Variants in LSP1 observed in about 807,000 individuals in gnomAD.
LSP1 encodes the protein lymphocyte specific protein 1, also known as lymphocyte-specific protein 1.
LSP1 carries 32 observed loss-of-function variants against 49.3 expected under a neutral mutation model. That is an observed-to-expected ratio of 0.65 (90% CI 0.49 to 0.87). LSP1 has a LOEUF of 0.87. Ranked by LOEUF, LSP1 falls within the 40% of genes least tolerant of loss-of-function variation. LSP1 has a pLI of 0.00. For missense variants in LSP1, 428 were observed against 442.6 expected (o/e 0.97, Z 0.30); for synonymous variants, 179 against 178.8 (o/e 1.00, Z -0.01).
At chr11:1,877,407 A>T (rs1485665957) in intron 1 of LSP1, among the ~76,000 whole-genome samples, 1 of 152,122 alleles carries the variant, frequency 6.6e-6, no homozygotes, top group African/African-American at 2.4e-5. Context: ...TAGGGGAGAC[A>T]CCAGGAGATG....
rs745981892 is a variant in LSP1 at position 1,884,018 on chromosome 11, C to T, written c.585C>T (p.Thr195=). 25 of 1,610,520 alleles carry T rather than the reference C, an allele frequency of 1.6e-5. No homozygotes were observed. The highest frequency in any genetic ancestry group is 2.1e-5 in the Non-Finnish European group (25 of 1,178,840). ...AGAGCTCGCCTCCCCTGAGCCCTAC[C>T]ACCAAAGTAAGTTAAGCTGCAAAGC... ...IEQSSPPLSP[T]TKLIDRTESL... Residue 195 remains threonine (T), a synonymous_variant, in exon 5 of 11, where the codon ACC becomes ACT. Coordinates refer to ENST00000311604, the MANE Select transcript of LSP1 (RefSeq NM_002339.3). This position sits in a 1 kb window ranked among gnomAD's most constrained non-coding sequence, Gnocchi z 4.1.
chr11:1,855,578 A>C lies in LSP1; in HGVS notation c.53+2381A>C, dbSNP rs975597307. 4.6e-5 allele frequency among the ~76,000 whole-genome samples: 7 copies of C among 152,254 alleles called. No homozygotes were observed. In the Middle Eastern group the frequency reaches 0.014, roughly 296 times the overall value. ...ATGATGTGGTCTCTCAGATGCCCCCAGGACAGGACTGTCCTCTCCCACGAG... is the reference window on the plus strand; with the variant it reads ...ATGATGTGGTCTCTCAGATGCCCCCCGGACAGGACTGTCCTCTCCCACGAG... On this transcript the variant is annotated intron_variant, in intron 1 of 10. Transcript: ENST00000311604.
intron 1 of LSP1, among the ~76,000 whole-genome samples, chr11:1,862,782 TCACC>T (rs1448657662): frequency 4.9e-5 from 1 of 20,410 alleles, no homozygotes; most frequent in Non-Finnish European, 1.0e-4. Flanking sequence ...CTGGGTGATC[TCACC>T]TCCCCTGGGT....
At position 1,883,957 on chromosome 11, in the gene LSP1, C is replaced by T; in HGVS notation, c.524C>T (p.Thr175Ile). Reference sequence around the variant, plus strand: ...CACCAGAAATGTCAGCAGCCCAGGACACCCAGCCCCTTGGTCTTGGAGGGG... The same window carrying T: ...CACCAGAAATGTCAGCAGCCCAGGATACCCAGCCCCTTGGTCTTGGAGGGG... ...EEHQKCQQPR[T>I]PSPLVLEGTI... Residue 175 changes from threonine to isoleucine, a missense_variant, in exon 5 of 11, where the codon ACA becomes ATA. Coordinates refer to ENST00000311604, the MANE Select transcript of LSP1 (RefSeq NM_002339.3). 1 of 1,610,784 alleles carries T rather than the reference C, an allele frequency of 6.2e-7. No homozygotes were observed. The highest frequency in any genetic ancestry group is 8.5e-7 in the Non-Finnish European group (1 of 1,179,080).
rs1335103196 is a variant in LSP1, at chr11:1,865,097, G to A, written c.53+11900G>A. The stretch of plus-strand genomic sequence containing the variant: ...GGCACAGGGGGGCAGGGGTGCGGGA[G>A]GAGGGCAGCAGAGAGGAGGGCCAGC... On this transcript the variant is annotated intron_variant, in intron 1 of 10. Coordinates refer to ENST00000311604, the MANE Select transcript of LSP1 (RefSeq NM_002339.3). 4.9e-6 allele frequency: 3 copies of A among 606,146 alleles called. No homozygotes were observed. In the East Asian group the frequency reaches 4.1e-4, roughly 83 times the overall value. 37.5% of individuals were successfully genotyped at this position (606,146 alleles called of 1,614,324 possible).
chr11:1,877,032 C>T (rs1235329230), intron 1 of LSP1, among the ~76,000 whole-genome samples: 1 of 152,200 alleles, frequency 6.6e-6, no homozygotes, highest in Non-Finnish European at 1.5e-5. Flanking sequence ...TGCATTTGTG[C>T]AGGAACACCA....
chr11:1,869,590 C>T (rs1485254265), intron 1 of LSP1: 6 of 467,658 alleles, frequency 1.3e-5, no homozygotes, highest in South Asian at 1.6e-5. Context: ...GTCTCTCCCA[C>T]GTGGGCCGCA....
chr11:1,858,309 C>A (rs1847539089), intron 1 of LSP1, among the ~76,000 whole-genome samples: 1 of 152,186 alleles, frequency 6.6e-6, no homozygotes, highest in Non-Finnish European at 1.5e-5. Context: ...TCTGACCCCA[C>A]ACCACACACC....
intron 1 of LSP1, among the ~76,000 whole-genome samples, chr11:1,874,986 C>T (rs543656795): frequency 3.9e-5 from 6 of 152,300 alleles, no homozygotes; most frequent in Admixed American, 1.3e-4. Context: ...CCCCCCACAG[C>T]GGGCACAGCA....
At chr11:1,882,051 G>C (rs1216391624) in intron 3 of LSP1, among the ~76,000 whole-genome samples, 3 of 152,172 alleles carry the variant, frequency 2.0e-5, no homozygotes, top group East Asian at 1.9e-4. Context: ...CCATTCCCAC[G>C]GAGGGGAGCA....
intron 1 of LSP1, among the ~76,000 whole-genome samples, chr11:1,872,019 G>A (rs1353972848): frequency 4.1e-5 from 6 of 146,764 alleles, no homozygotes; most frequent in East Asian, 2.1e-4. Context: ...CCTTTGGGAC[G>A]GGGTGTGTGT....
intron 1 of LSP1, chr11:1,865,195 C>A: frequency 1.0e-6 from 1 of 985,868 alleles, no homozygotes; most frequent in Non-Finnish European, 1.2e-6. Flanking sequence ...TGAGCAGAGG[C>A]TGCAGCCTGG....
In LSP1 at chr11:1,891,988, C is replaced by G. The variant is rs1412634939; in HGVS notation, c.*229C>G. On this transcript the variant is annotated 3_prime_UTR_variant, in exon 11 of 11. Coordinates refer to ENST00000311604, the MANE Select transcript of LSP1 (RefSeq NM_002339.3). ...ACTCTCTGACCACCGCCCCCGCCCT[C>G]CCCACCCAGCTCCGCTTCTTGTTAC... 1 of 151,856 alleles carries G rather than the reference C, an allele frequency of 6.6e-6. No homozygotes were observed. Among genetic ancestry groups the G allele is most frequent in the Admixed American group, 6.6e-5 (1 of 15,252 alleles). The allele number at this position is 151,856 out of a possible 1,614,324, so 9.4% of individuals were successfully genotyped here.
Position 1,890,342 on chromosome 11 carries a change from C to T in LSP1, c.*14-1431C>T, listed in dbSNP as rs866562938. Reference sequence around the variant, plus strand: ...CGGGGTGCGGGCCCTCAGCAGCGTGCGGGGCTGTGACCTCCTGGTCATGGC... The same window carrying T: ...CGGGGTGCGGGCCCTCAGCAGCGTGTGGGGCTGTGACCTCCTGGTCATGGC... On this transcript the variant is annotated intron_variant, in intron 10 of 10. Transcript: ENST00000311604. 117 of 714,854 alleles carry T rather than the reference C, an allele frequency of 1.6e-4. 1 individual carries two copies. In the East Asian group the frequency reaches 2.8e-3, roughly 17 times the overall value. The allele number at this position is 714,854 out of a possible 1,614,324, so 44.3% of individuals were successfully genotyped here.
At chr11:1,870,171 T>G (rs1345184027) in intron 1 of LSP1, 1 of 832,804 alleles carries the variant, frequency 1.2e-6, no homozygotes, top group Non-Finnish European at 1.8e-6. Context: ...CCAAGGCCGG[T>G]CCACTTGACC....
At chr11:1,870,714 G>C in intron 1 of LSP1, 1 of 1,016,200 alleles carries the variant, frequency 9.8e-7, no homozygotes, top group South Asian at 4.0e-5. Flanking sequence ...TGGAGGATGG[G>C]AGCGCTTCGG....
chr11:1,867,080 C>T (rs1216750354), intron 1 of LSP1, among the ~76,000 whole-genome samples: 8 of 152,120 alleles, frequency 5.3e-5, no homozygotes, highest in Admixed American at 5.2e-4. Flanking sequence ...GGCTCGGGGC[C>T]AGTCCCTGTG....
intron 1 of LSP1, chr11:1,876,592 A>G: frequency 2.0e-6 from 2 of 985,466 alleles, no homozygotes; most frequent in Non-Finnish European, 2.4e-6. Context: ...CAGAGTCGGG[A>G]CGGGGACCGA....
Position 1,887,479 on chromosome 11 carries a change from C to G in LSP1, c.936C>G (p.Thr312=), listed in dbSNP as rs1343274583. The G allele has an allele frequency of 2.5e-6, 4 of 1,613,872 alleles. No individual in the cohort carries two copies. The highest frequency in any genetic ancestry group is 2.5e-6 in the Non-Finnish European group (3 of 1,179,884). The change falls in exon 10 of 11, where the codon ACC becomes ACG. Residue 312 remains threonine (T), a synonymous_variant. Transcript: ENST00000311604. The part of the protein sequence containing the change: ...GSKTSSTIKS[T]PSGKRYKFVA... ...TTGGTCTCCTTTCCCAACAGAGCAC[C>G]CCATCTGGGAAGAGGTATAAGTTTG...
Sources: allele counts gnomAD v4.1 joint callset (sites outside exome capture counted in the v4.1 genomes callset), GRCh38; gene constraint gnomAD v4.1.1; non-coding constraint Gnocchi (gnomAD v3.1); transcripts MANE v1.5; gene names NCBI Gene and HGNC (gene_info 2026-07-23, HGNC 2026-07-21).